The following SEC14L1 variants were observed in gnomAD, a reference collection of about 807,000 sequenced individuals.
The protein encoded by SEC14L1 is SEC14 like lipid binding 1.
Under a neutral mutation model 85.3 loss-of-function variants are expected in SEC14L1, and 48 were observed. That is an observed-to-expected ratio of 0.56 (90% confidence interval 0.45 to 0.72). The LOEUF (loss-of-function observed/expected upper bound fraction) is 0.72. Among genes scored for constraint, SEC14L1 ranks in the 30% least tolerant of loss-of-function variants. The pLI, the probability that SEC14L1 is intolerant of heterozygous loss-of-function variation, is 0.00. For missense variants in SEC14L1, 682 were observed against 921.4 expected, an observed-to-expected ratio of 0.74 and a Z score of 3.36; for synonymous variants, 391 against 355.5, an observed-to-expected ratio of 1.10 and a Z score of -1.12.
At chr17:77,190,707 C>T in intron 3 of SEC14L1, 96 bp from the exon 4 acceptor site, 1 of 1,281,252 alleles carries the variant, frequency 7.8e-7, no homozygotes, top group Admixed American at 1.9e-5. Context: ...TGTTGCCGTG[C>T]ACCGAGAGGT....
At chr17:77,128,444 TA>T (rs1972517729) in intron 3 of SEC14L1, among the ~76,000 whole-genome samples, 1 of 104,704 alleles carries the variant, frequency 9.6e-6, no homozygotes, top group East Asian at 2.3e-4. Flanking sequence ...TATTTTATTT[TA>T]TTTTATTTTA....
Position 77,203,564 on chromosome 17 carries a change from C to T in SEC14L1, c.1010-6C>T. 6.2e-7 allele frequency: 1 copy of T among 1,613,192 alleles called. No individual in the cohort carries two copies. The highest frequency in any genetic ancestry group is 8.5e-7 in the Non-Finnish European group (1 of 1,179,480). On this transcript the variant is annotated splice_region_variant and splice_polypyrimidine_tract_variant and intron_variant, in intron 9 of 16. Coordinates refer to ENST00000436233, the MANE Select transcript of SEC14L1 (RefSeq NM_001143998.2). Reference sequence around the variant, plus strand: ...CTGACAACTCATTCCTTCCCCTCCTCTGCAGATGGGCGGCCCCTCTACGTG... The same window carrying T: ...CTGACAACTCATTCCTTCCCCTCCTTTGCAGATGGGCGGCCCCTCTACGTG...
intron 3 of SEC14L1, among the ~76,000 whole-genome samples, chr17:77,097,433 G>A (rs757037048): frequency 3.3e-5 from 5 of 152,122 alleles, no homozygotes; most frequent in South Asian, 2.1e-4. Flanking sequence ...GCGTAGTGGC[G>A]CACGCCTGTA....
chr17:77,136,031 C>G (rs896168145), upstream of SEC14L1, among the ~76,000 whole-genome samples: 5 of 148,344 alleles, frequency 3.4e-5, no homozygotes, highest in African/African-American at 1.2e-4. Context: ...AGCCACCACG[C>G]CCGGCTAATT....
At chr17:77,202,686 G>A (rs1393512415) in intron 9 of SEC14L1, among the ~76,000 whole-genome samples, 1 of 152,080 alleles carries the variant, frequency 6.6e-6, no homozygotes, top group African/African-American at 2.4e-5. Context: ...TTGGGAGGCG[G>A]AGGCAGGCGG....
chr17:77,124,268 G>A (rs8076422), intron 3 of SEC14L1, among the ~76,000 whole-genome samples: 9 of 152,208 alleles, frequency 5.9e-5, no homozygotes, highest in African/African-American at 1.2e-4. Context: ...GGGGGCTGAG[G>A]GGGGAGGATC....
At chr17:77,210,571 C>T (rs1410128823) in intron 14 of SEC14L1, 1 of 152,252 alleles carries the variant, frequency 6.6e-6, no homozygotes. Context: ...GAGTGGCTCA[C>T]CTGGTGCTTG....
chr17:77,203,737 C>G, intron 10 of SEC14L1, 79 bp downstream of exon 10: 1 of 1,058,616 alleles, frequency 9.4e-7, no homozygotes, highest in South Asian at 1.4e-5. Flanking sequence ...GGGTGTTAAC[C>G]AGCCTGTTAG....
intron 3 of SEC14L1, among the ~76,000 whole-genome samples, chr17:77,098,186 G>C (rs1367581845): frequency 1.3e-5 from 2 of 152,084 alleles, no homozygotes; most frequent in Non-Finnish European, 2.9e-5. Context: ...CCCTCTAATG[G>C]TAGTTTACGT....
intron 3 of SEC14L1, among the ~76,000 whole-genome samples, chr17:77,145,594 T>G (rs1841405760): frequency 2.0e-5 from 3 of 152,236 alleles, no homozygotes; most frequent in Admixed American, 1.3e-4. Context: ...TTACCATGTT[T>G]GCCATTTGCA....
chr17:77,169,281 C>T (rs771008320), intron 3 of SEC14L1, among the ~76,000 whole-genome samples: 8 of 152,102 alleles, frequency 5.3e-5, no homozygotes, highest in African/African-American at 1.2e-4. Flanking sequence ...AGAGAAGACA[C>T]GAGGTAAAAT....
intron 3 of SEC14L1, among the ~76,000 whole-genome samples, chr17:77,158,191 A>G (rs1973894092): frequency 6.6e-6 from 1 of 152,208 alleles, no homozygotes; most frequent in Non-Finnish European, 1.5e-5. Flanking sequence ...CCCGGCCTGT[A>G]ACCACTTTTA....
At chr17:77,181,023 G>T (rs989371872) in intron 3 of SEC14L1, 1 of 152,100 alleles carries the variant, frequency 6.6e-6, no homozygotes, top group Non-Finnish European at 1.5e-5. Flanking sequence ...TCACTCTTAC[G>T]GTCTAGAAGT....
chr17:77,123,119 G>A (rs1328120140), intron 3 of SEC14L1, among the ~76,000 whole-genome samples: 2 of 150,938 alleles, frequency 1.3e-5, no homozygotes, highest in African/African-American at 2.4e-5. Context: ...GCACGATCTC[G>A]GCTCACTGAA....
chr17:77,138,518 A>G (rs1208303734), upstream of SEC14L1, among the ~76,000 whole-genome samples: 1 of 152,166 alleles, frequency 6.6e-6, no homozygotes, highest in African/African-American at 2.4e-5. Context: ...AGGCTGAGGC[A>G]GGAGGGCAGG....
chr17:77,153,269 G>A (rs982386937), intron 3 of SEC14L1, among the ~76,000 whole-genome samples: 11 of 152,162 alleles, frequency 7.2e-5, no homozygotes, highest in East Asian at 5.8e-4. Flanking sequence ...GTTTCACCAC[G>A]TTGGCCAGGC....
chr17:77,206,574 T>C lies in SEC14L1; in HGVS notation c.1342-154T>C, dbSNP rs551302736. ...AGAAAGGGGAAAAACAAAATGTGAG[T>C]GTCCTAATGCCATGCAAATAGACTT... On this transcript the variant is annotated intron_variant, in intron 12 of 16. Transcript: ENST00000436233. This position sits in a 1 kb window ranked among gnomAD's most constrained non-coding sequence, Gnocchi z 4.3. The C allele has an allele frequency of 1.3e-4, 157 of 1,175,250 alleles. 3 individuals carry two copies. The South Asian group carries it at 2.1e-3, about 16-fold the overall frequency. The allele number at this position is 1,175,250 out of a possible 1,614,324, so 72.8% of individuals were successfully genotyped here.
chr17:77,194,492 C>T (rs1281445860), intron 6 of SEC14L1, among the ~76,000 whole-genome samples, 185 bp from the exon 7 acceptor site: 2 of 151,076 alleles, frequency 1.3e-5, no homozygotes, highest in Admixed American at 1.3e-4. Flanking sequence ...GTCAAGGGTA[C>T]AGTGAGCTGT....
rs569721921 is a variant in SEC14L1, at chr17:77,104,196, T to C, written c.-136+10849T>C. ...GTGCAGTGGTGCGATCTCGGCTCAC[T>C]GCAACCTCCGCCTTCTGGGTTCAAG... On this transcript the variant is annotated intron_variant, in intron 3 of 19. Transcript: ENST00000392476. Among the ~76,000 whole-genome samples, 3 of 149,646 alleles carry C rather than the reference T, an allele frequency of 2.0e-5. No homozygotes were observed. In the East Asian group the frequency reaches 6.1e-4, roughly 30 times the overall value.
Sources: gnomAD v4.1 joint callset for allele counts (sites outside exome capture counted in the v4.1 genomes callset) on GRCh38, gnomAD v4.1.1 for gene constraint, Gnocchi (gnomAD v3.1) non-coding constraint, MANE v1.5 for transcripts, NCBI Gene and HGNC (gene_info 2026-07-23, HGNC 2026-07-21) for gene names.